CHL1: variants seen among roughly 807,000 people sequenced by gnomAD.
CHL1 encodes cell adhesion molecule L1 like.
A neutral mutation model predicts 141.9 loss-of-function variants in CHL1; 96 were observed. That is an observed-to-expected ratio of 0.68 (90% confidence interval 0.57 to 0.80). The LOEUF (loss-of-function observed/expected upper bound fraction) is 0.80, where lower values mean the gene tolerates loss of function less well. Among genes scored for constraint, CHL1 ranks in the 30% least tolerant of loss-of-function variants. The probability of loss-of-function intolerance (pLI) is 0.00; values close to 1 mark genes in which losing one functional copy is unlikely to be tolerated. For missense variants in CHL1, 1,820 were observed against 1,457.2 expected, an observed-to-expected ratio of 1.25 and a Z score of -4.05; for synonymous variants, 613 against 502.2, an observed-to-expected ratio of 1.22 and a Z score of -2.95.
intron 1 of CHL1, among the ~76,000 whole-genome samples, chr3:227,713 C>G (rs1035757801): frequency 6.6e-6 from 1 of 152,192 alleles, no homozygotes. Context: ...TTGTACTCTA[C>G]GTTCTTTCTC....
intron 1 of CHL1, among the ~76,000 whole-genome samples, chr3:223,061 A>T (rs1158530130): frequency 6.6e-6 from 1 of 152,132 alleles, no homozygotes; most frequent in Non-Finnish European, 1.5e-5. Flanking sequence ...CCCTCTCAAA[A>T]TCCTGAATCA....
chr3:273,360 C>T (rs1241889829), intron 2 of CHL1, among the ~76,000 whole-genome samples: 2 of 152,160 alleles, frequency 1.3e-5, no homozygotes, highest in Admixed American at 1.3e-4. Flanking sequence ...TACCCAAGAA[C>T]CTGAATCAAT....
Position 396,007 on chromosome 3 carries a change from T to C in CHL1, c.3094+1135T>C, listed in dbSNP as rs73105066. On this transcript the variant is annotated intron_variant, in intron 24 of 27. Coordinates refer to ENST00000256509, the MANE Select transcript of CHL1 (RefSeq NM_006614.4). ...TTTAATATTGGTTTGTTTTTACATC[T>C]TATTGTGCCTACTATATCTAACTAA... is the stretch of plus-strand genomic sequence containing the variant. Among the ~76,000 whole-genome samples the C allele has an allele frequency of 7.0e-3, 1,059 of 152,310 alleles. 11 individuals carry two copies. Among genetic ancestry groups the C allele is most frequent in the African/African-American group, 0.024 (1,005 of 41,578 alleles).
At chr3:227,409 G>A (rs1574774361) in intron 1 of CHL1, among the ~76,000 whole-genome samples, 1 of 152,300 alleles carries the variant, frequency 6.6e-6, no homozygotes, top group East Asian at 1.9e-4. Flanking sequence ...AAAGAGGGAA[G>A]ACAAACATAT....
At chr3:310,482 A>G (rs975471327) in intron 2 of CHL1, among the ~76,000 whole-genome samples, 3 of 152,186 alleles carry the variant, frequency 2.0e-5, no homozygotes, top group African/African-American at 7.2e-5. Context: ...TTAATTTACA[A>G]ATATATTTTT....
intron 1 of CHL1, among the ~76,000 whole-genome samples, chr3:214,956 G>GCA (rs5845952): frequency 0.08 from 11,967 of 150,042 alleles, 1,028 homozygotes; most frequent in African/African-American, 0.22. Context: ...ATGTGCACGT[G>GCA]CACACACACA....
chr3:292,293 T>C (rs1697762159), intron 2 of CHL1, among the ~76,000 whole-genome samples: 1 of 152,388 alleles, frequency 6.6e-6, no homozygotes, highest in East Asian at 1.9e-4. Context: ...GGGGCTAATC[T>C]GTTTAGGCAC....
At chr3:241,333 T>C (rs1692536110) in intron 1 of CHL1, among the ~76,000 whole-genome samples, 1 of 152,218 alleles carries the variant, frequency 6.6e-6, no homozygotes, top group Non-Finnish European at 1.5e-5. Context: ...TTGCTGAGCA[T>C]CTAATGAAGT....
At chr3:326,278 G>A (rs915621711) in intron 4 of CHL1, among the ~76,000 whole-genome samples, 1 of 151,870 alleles carries the variant, frequency 6.6e-6, no homozygotes, top group African/African-American at 2.4e-5. Flanking sequence ...ATAAACTAAG[G>A]GCTGTTATTA....
chr3:320,866 C>G (rs1363077690), intron 3 of CHL1, among the ~76,000 whole-genome samples: 1 of 151,902 alleles, frequency 6.6e-6, no homozygotes, highest in East Asian at 1.9e-4. Flanking sequence ...CAGGAATAAT[C>G]TCTATTGCAT....
intron 2 of CHL1, among the ~76,000 whole-genome samples, chr3:288,303 AC>A (rs1697356335): frequency 6.6e-6 from 1 of 151,994 alleles, no homozygotes; most frequent in South Asian, 2.1e-4. Flanking sequence ...ATCATATTAA[AC>A]TTTTGCAAAT....
intron 2 of CHL1, among the ~76,000 whole-genome samples, chr3:276,146 A>G (rs186566226): frequency 5.9e-4 from 90 of 152,154 alleles, no homozygotes; most frequent in African/African-American, 1.9e-3. Flanking sequence ...TTACTTTTAT[A>G]ATATATTTTT....
chr3:365,149 G>A lies in CHL1; in HGVS notation c.1586-801G>A, dbSNP rs551156648. Among the ~76,000 whole-genome samples, 13 of 152,266 alleles carry A rather than the reference G, an allele frequency of 8.5e-5. No homozygotes were observed. The South Asian group carries it at 2.7e-3, about 32-fold the overall frequency. Reference sequence around the variant, plus strand: ...ATTATAGAATTGGAGGTCAGCTTGTGCAGTTGGTCTCTGGGAGGTCCCCAA... The same window carrying A: ...ATTATAGAATTGGAGGTCAGCTTGTACAGTTGGTCTCTGGGAGGTCCCCAA... On this transcript the variant is annotated intron_variant, in intron 14 of 27. Transcript: ENST00000256509.
At chr3:323,042 AAAGT>A (rs1700723108) in intron 3 of CHL1, among the ~76,000 whole-genome samples, 1 of 152,058 alleles carries the variant, frequency 6.6e-6, no homozygotes, top group Non-Finnish European at 1.5e-5. Flanking sequence ...GCTATGCGTC[AAAGT>A]ATTATGACAA....
intron 15 of CHL1, 59 bp downstream of exon 15, chr3:366,174 A>T: frequency 6.5e-7 from 1 of 1,538,146 alleles, no homozygotes; most frequent in Non-Finnish European, 8.9e-7. Flanking sequence ...CTTGCATTTG[A>T]TTTAAAAAGT....
At chr3:255,908 C>T (rs866864111) in intron 2 of CHL1, among the ~76,000 whole-genome samples, 1 of 152,162 alleles carries the variant, frequency 6.6e-6, no homozygotes, top group African/African-American at 2.4e-5. Context: ...TGTGAACCAT[C>T]GGTTTTTTAC....
In CHL1 at chr3:398,394, T is replaced by A. The variant is rs2106413923; in HGVS notation, c.3253+9T>A. ...TGAGACAAGAGGGAGAGGTGAGAAATGAGATTATATTTGGGGAAGTCTTAG... is the reference window on the plus strand; with the variant it reads ...TGAGACAAGAGGGAGAGGTGAGAAAAGAGATTATATTTGGGGAAGTCTTAG... On this transcript the variant is annotated intron_variant, in intron 25 of 27. Transcript: ENST00000256509. 1.3e-6 allele frequency: 2 copies of A among 1,570,036 alleles called. No homozygotes were observed. The highest frequency in any genetic ancestry group is 1.8e-6 in the Non-Finnish European group (2 of 1,141,208).
intron 13 of CHL1, among the ~76,000 whole-genome samples, chr3:362,623 T>TA (rs11356805): frequency 2.6e-4 from 39 of 148,298 alleles, no homozygotes; most frequent in South Asian, 6.4e-4. Context: ...AGCTTATCCT[T>TA]AAAAAAAAAA....
chr3:388,019 A>G (rs931678792), intron 19 of CHL1, among the ~76,000 whole-genome samples: 7 of 152,236 alleles, frequency 4.6e-5, no homozygotes, highest in African/African-American at 1.4e-4. Context: ...AACACTATGT[A>G]TGACATTGTT....
Sources: gnomAD v4.1 joint callset for allele counts (sites outside exome capture counted in the v4.1 genomes callset) on GRCh38, gnomAD v4.1.1 for gene constraint, MANE v1.5 for transcripts, NCBI Gene and HGNC (gene_info 2026-07-23, HGNC 2026-07-21) for gene names.